The following COL24A1 variants were observed in gnomAD, a reference collection of about 807,000 sequenced individuals.
COL24A1 encodes collagen alpha-1(XXIV) chain.
Under a neutral mutation model 253.9 loss-of-function variants are expected in COL24A1, and 224 were observed. The ratio of observed to expected loss-of-function variants is 0.88; its 90% confidence interval spans 0.79 to 0.99. COL24A1 has a LOEUF of 0.99. Among genes scored for constraint, COL24A1 ranks in the 50% least tolerant of loss-of-function variants. The pLI, the probability that COL24A1 is intolerant of heterozygous loss-of-function variation, is 0.00. For missense variants in COL24A1, 2,131 were observed against 2,068.5 expected, an observed-to-expected ratio of 1.03 and a Z score of -0.59; for synonymous variants, 685 against 673.7, an observed-to-expected ratio of 1.02 and a Z score of -0.26.
chr1:86,150,996 T>C (rs1557837365), intron 1 of COL24A1, among the ~76,000 whole-genome samples: 1 of 152,030 alleles, frequency 6.6e-6, no homozygotes, highest in African/African-American at 2.4e-5. Context: ...TATACTGGCA[T>C]TAAAAGACAA....
chr1:85,893,010 G>T (rs965914318), intron 31 of COL24A1, among the ~76,000 whole-genome samples: 1 of 151,938 alleles, frequency 6.6e-6, no homozygotes, highest in African/African-American at 2.4e-5. Flanking sequence ...CATCAATTAC[G>T]TATCAATAAT....
At chr1:86,032,514 T>C (rs972393245) in intron 13 of COL24A1, among the ~76,000 whole-genome samples, 2 of 152,142 alleles carry the variant, frequency 1.3e-5, no homozygotes, top group Non-Finnish European at 2.9e-5. Context: ...ATGATCATTA[T>C]TAATTTTTCC....
intron 5 of COL24A1, among the ~76,000 whole-genome samples, chr1:86,104,857 T>C (rs6665315): frequency 2.0e-5 from 3 of 152,014 alleles, no homozygotes; most frequent in Non-Finnish European, 4.4e-5. Flanking sequence ...TGTTTGCACA[T>C]GCCAGCAGCA....
At chr1:86,045,876 C>G (rs1380724098) in intron 12 of COL24A1, 1 of 441,838 alleles carries the variant, frequency 2.3e-6, no homozygotes, top group South Asian at 1.6e-5. Context: ...CATGCCTCTT[C>G]TAAGCACTGT....
In COL24A1 at chr1:86,084,907, C is replaced by T. The variant is rs77059648; in HGVS notation, c.1707+4267G>A. On this transcript the variant is annotated intron_variant, in intron 7 of 59. Coordinates refer to ENST00000370571, the MANE Select transcript of COL24A1 (RefSeq NM_152890.7). The stretch of plus-strand genomic sequence containing the variant: ...TGGTGGCAGCACAACCCCCAAGCAG[C>T]GGCATTTGTATTAGACTCAGTACTG... Among the ~76,000 whole-genome samples, 373 of 152,126 alleles carry T rather than the reference C, an allele frequency of 2.5e-3. 10 individuals carry two copies. In the East Asian group the frequency reaches 0.046, roughly 19 times the overall value.
At chr1:85,787,063 G>T (rs1220419758) in intron 47 of COL24A1, among the ~76,000 whole-genome samples, 3 of 152,054 alleles carry the variant, frequency 2.0e-5, no homozygotes, top group Non-Finnish European at 4.4e-5. Context: ...AATACTTAAA[G>T]ACATGGAAAA....
At chr1:85,851,478 T>C (rs542264644) in intron 37 of COL24A1, among the ~76,000 whole-genome samples, 16 of 152,298 alleles carry the variant, frequency 1.1e-4, no homozygotes, top group African/African-American at 3.8e-4. Context: ...ATTGAATTGC[T>C]GGGTTGTAGG....
chr1:86,125,414 G>A lies in COL24A1; in HGVS notation c.922C>T (p.Gln308Ter). The A allele has an allele frequency of 1.2e-6, 2 of 1,613,456 alleles. No homozygotes were observed. Among genetic ancestry groups the A allele is most frequent in the Middle Eastern group, 1.7e-4 (1 of 6,054 alleles). ...SETVYKRQEH[Q>*]ISRSQLSSLQ... Reference sequence around the variant, plus strand: ...GAAGATAACTGAGATCTTGATATCTGGTGTTCTTGTCTTTTATACACGGTT... The same window carrying A: ...GAAGATAACTGAGATCTTGATATCTAGTGTTCTTGTCTTTTATACACGGTT... The change falls in exon 3 of 60, where the codon CAG becomes TAG. Residue 308 changes from glutamine to a stop codon, truncating the protein, a stop_gained. Coordinates refer to ENST00000370571, the MANE Select transcript of COL24A1 (RefSeq NM_152890.7). LOFTEE classifies it high-confidence loss of function.
intron 55 of COL24A1, among the ~76,000 whole-genome samples, chr1:85,757,114 A>G (rs373787): frequency 0.46 from 70,002 of 152,020 alleles, 16,331 homozygotes; most frequent in South Asian, 0.57. Context: ...AAGACAAAAA[A>G]AGTTCTAGGC....
intron 26 of COL24A1, 30 bp downstream of exon 26, chr1:85,909,920 A>G (rs768557032): frequency 6.3e-7 from 1 of 1,584,038 alleles, no homozygotes; most frequent in Non-Finnish European, 8.7e-7. Context: ...ATTCTTTGGA[A>G]ACATATTTTT....
intron 33 of COL24A1, among the ~76,000 whole-genome samples, chr1:85,875,914 T>G (rs77145529): frequency 0.016 from 2,426 of 152,228 alleles, 61 homozygotes; most frequent in African/African-American, 0.055. Flanking sequence ...TTACAACTAT[T>G]TTTGTCTCCA....
intron 57 of COL24A1, among the ~76,000 whole-genome samples, chr1:85,737,789 C>CGGGCA (rs1664211016): frequency 6.6e-6 from 1 of 152,082 alleles, no homozygotes; most frequent in Non-Finnish European, 1.5e-5. Context: ...GCCTTGAACT[C>CGGGCA]CTGACCTCAA....
At chr1:85,735,572 G>GT (rs1266853229) in intron 58 of COL24A1, among the ~76,000 whole-genome samples, 1 of 151,900 alleles carries the variant, frequency 6.6e-6, no homozygotes, top group Non-Finnish European at 1.5e-5. Flanking sequence ...CCTTAATGTA[G>GT]TTTCATTCAC....
At chr1:85,824,930 A>G (rs1387485827) in intron 43 of COL24A1, among the ~76,000 whole-genome samples, 1 of 147,312 alleles carries the variant, frequency 6.8e-6, no homozygotes, top group Non-Finnish European at 1.5e-5. Flanking sequence ...TATTATTATT[A>G]TTATTATTAT....
intron 37 of COL24A1, among the ~76,000 whole-genome samples, chr1:85,855,869 G>C (rs1558405834): frequency 6.6e-6 from 1 of 152,108 alleles, no homozygotes; most frequent in Non-Finnish European, 1.5e-5. Context: ...TTCAATTTCA[G>C]AACTCATTAT....
chr1:86,004,525 G>GA (rs377143938), intron 19 of COL24A1, among the ~76,000 whole-genome samples: 60 of 152,170 alleles, frequency 3.9e-4, no homozygotes, highest in African/African-American at 1.3e-3. Context: ...AAAATAATGT[G>GA]AAAAAATGGT....
At chr1:85,837,370 C>T (rs1179912831) in intron 43 of COL24A1, among the ~76,000 whole-genome samples, 1 of 152,148 alleles carries the variant, frequency 6.6e-6, no homozygotes, top group Non-Finnish European at 1.5e-5. Flanking sequence ...ATTCCTCTGG[C>T]TTGAGAAAAA....
chr1:86,052,739 G>A (rs893194674), intron 10 of COL24A1, among the ~76,000 whole-genome samples: 2 of 151,908 alleles, frequency 1.3e-5, no homozygotes, highest in African/African-American at 2.4e-5. Context: ...AAAATTTTAT[G>A]TTATATATAT....
At chr1:86,081,082 A>G (rs1702599651) in intron 7 of COL24A1, among the ~76,000 whole-genome samples, 1 of 152,188 alleles carries the variant, frequency 6.6e-6, no homozygotes, top group Non-Finnish European at 1.5e-5. Context: ...TTAGCACAGT[A>G]TAATTGAAAA....
Sources: allele counts gnomAD v4.1 joint callset (sites outside exome capture counted in the v4.1 genomes callset), GRCh38; gene constraint gnomAD v4.1.1; transcripts MANE v1.5; gene names NCBI Gene and HGNC (gene_info 2026-07-23, HGNC 2026-07-21).